Variants in SHLD1 observed in about 807,000 individuals in gnomAD.
The protein encoded by SHLD1 is shieldin complex subunit 1, also known as RINN1-REV7-interacting novel NHEJ regulator 3.
In SHLD1, 3 loss-of-function variants were observed where a neutral mutation model predicts 5.5. The ratio of observed to expected loss-of-function variants is 0.54; its 90% CI spans 0.25 to 1.40. The LOEUF is 1.40. SHLD1 is among the 40% of genes most tolerant of loss of function. SHLD1 has a pLI of 0.15. For missense variants in SHLD1, 210 were observed against 244.4 expected (o/e 0.86, Z 0.94); for synonymous variants, 92 against 94.3 (o/e 0.98, Z 0.14).
chr20:5,823,404 T>C (rs913640671), intron 2 of SHLD1, among the ~76,000 whole-genome samples: 5 of 152,034 alleles, frequency 3.3e-5, no homozygotes, highest in African/African-American at 1.2e-4. Context: ...CCCAAAGGCA[T>C]GAGTCATAGT....
At chr20:5,820,093 G>A (rs1166931804) in intron 2 of SHLD1, among the ~76,000 whole-genome samples, 3 of 152,160 alleles carry the variant, frequency 2.0e-5, no homozygotes, top group East Asian at 1.9e-4. Flanking sequence ...GATTACAGGC[G>A]TGTGCCACCA....
At chr20:5,804,359 A>G (rs1186383848) in intron 2 of SHLD1, among the ~76,000 whole-genome samples, 3 of 151,460 alleles carry the variant, frequency 2.0e-5, no homozygotes, top group African/African-American at 7.3e-5. Context: ...AACTATATAT[A>G]TATATACAGT....
intron 2 of SHLD1, among the ~76,000 whole-genome samples, chr20:5,817,385 C>T (rs891606316): frequency 5.8e-4 from 73 of 125,466 alleles, no homozygotes; most frequent in African/African-American, 2.0e-3. Flanking sequence ...TTTAAGCTCA[C>T]GGGATATTTT....
chr20:5,754,608 C>G (rs1983958079), intron 1 of SHLD1, among the ~76,000 whole-genome samples: 1 of 152,118 alleles, frequency 6.6e-6, no homozygotes, highest in Admixed American at 6.6e-5. Flanking sequence ...GTCCTGAGAA[C>G]TTGTGCCCAA....
intron 2 of SHLD1, among the ~76,000 whole-genome samples, chr20:5,858,778 T>A (rs2088122442): frequency 6.6e-6 from 1 of 152,184 alleles, no homozygotes; most frequent in Admixed American, 6.5e-5. Context: ...GAGGCTGCAG[T>A]GAGTTGAGAT....
At chr20:5,824,625 GT>G (rs34606054) in intron 2 of SHLD1, among the ~76,000 whole-genome samples, 18,920 of 125,368 alleles carry the variant, frequency 0.15, 1,291 homozygotes, top group African/African-American at 0.24. Flanking sequence ...GTTGTTGTTT[GT>G]TTTTTTTTTT....
chr20:5,800,034 G>A (rs999291737), intron 2 of SHLD1, among the ~76,000 whole-genome samples: 1 of 152,014 alleles, frequency 6.6e-6, no homozygotes, highest in Non-Finnish European at 1.5e-5. Context: ...TTGTCCTTCA[G>A]GGGGTATTTG....
chr20:5,830,186 G>A (rs77492970), intron 2 of SHLD1, among the ~76,000 whole-genome samples: 4,252 of 152,280 alleles, frequency 0.028, 89 homozygotes, highest in Middle Eastern at 0.058. Context: ...AATAGTCACA[G>A]CAACACTCAT....
chr20:5,782,626 G>A (rs2087002600), intron 2 of SHLD1, among the ~76,000 whole-genome samples: 1 of 152,166 alleles, frequency 6.6e-6, no homozygotes, highest in African/African-American at 2.4e-5. Flanking sequence ...GCAGTTATAA[G>A]TTTAAAGTAA....
At chr20:5,768,791 G>A (rs1984986502) in intron 1 of SHLD1, among the ~76,000 whole-genome samples, 1 of 152,012 alleles carries the variant, frequency 6.6e-6, no homozygotes, top group Non-Finnish European at 1.5e-5. Flanking sequence ...AATATATCAT[G>A]TGTGTGTATG....
chr20:5,834,567 G>A (rs1432800690), intron 2 of SHLD1, among the ~76,000 whole-genome samples: 1 of 152,110 alleles, frequency 6.6e-6, no homozygotes, highest in African/African-American at 2.4e-5. Context: ...GAAAACAGTA[G>A]TTAGTATTAA....
At chr20:5,862,900 C>G in intron 2 of SHLD1, 124 bp from the exon 3 acceptor site, 1 of 822,404 alleles carries the variant, frequency 1.2e-6, no homozygotes. Context: ...GCTGATATTT[C>G]CCATTGCCAG....
At chr20:5,802,149 C>T (rs963689577) in intron 2 of SHLD1, among the ~76,000 whole-genome samples, 1 of 152,210 alleles carries the variant, frequency 6.6e-6, no homozygotes, top group Non-Finnish European at 1.5e-5. Flanking sequence ...AGGAAGCTGC[C>T]AGGATCCAAA....
intron 2 of SHLD1, among the ~76,000 whole-genome samples, chr20:5,817,181 G>A (rs1303108174): frequency 6.6e-6 from 1 of 152,198 alleles, no homozygotes; most frequent in Non-Finnish European, 1.5e-5. Context: ...TGTTTCTGTT[G>A]ACTGATTTTT....
chr20:5,804,393 TA>T (rs35334478), intron 2 of SHLD1, among the ~76,000 whole-genome samples: 2 of 148,534 alleles, frequency 1.3e-5, no homozygotes. Context: ...TAGTATAGTG[TA>T]AAAAAAAACT....
rs148119460 is a variant in SHLD1, at chr20:5,814,654, CTTTTTTTTTTTTT to C, written c.178+41622_178+41634del. 5.2e-3 allele frequency among the ~76,000 whole-genome samples: 536 copies of C among 103,800 alleles called. 2 individuals carry two copies. The highest frequency in any genetic ancestry group is 0.02 in the African/African-American group (516 of 26,250). 68.1% of individuals were successfully genotyped at this position (103,800 alleles called of 152,430 possible). A position where few individuals can be genotyped will look rare whatever the true frequency, so the allele number is the denominator to read the frequency against. The stretch of plus-strand genomic sequence containing the variant: ...AAAATTACTTTTTCTTTTTCTTCTT[CTTTTTTTTTTTTT>C]TTTTTTTTTTGAGATAGGGTCTCAC... On this transcript the variant is annotated intron_variant, in intron 2 of 2. Coordinates refer to ENST00000303142, the MANE Select transcript of SHLD1 (RefSeq NM_152504.4).
At chr20:5,780,155 T>G (rs1985625714) in intron 2 of SHLD1, among the ~76,000 whole-genome samples, 1 of 151,848 alleles carries the variant, frequency 6.6e-6, no homozygotes, top group Non-Finnish European at 1.5e-5. Context: ...ATTTTTGTAT[T>G]TTTAGTGGAG....
intron 2 of SHLD1, among the ~76,000 whole-genome samples, chr20:5,826,891 C>T (rs1476546360): frequency 4.6e-5 from 7 of 151,344 alleles, no homozygotes; most frequent in Admixed American, 3.3e-4. Flanking sequence ...AGTCTGTCAT[C>T]GCCCCTCCCT....
At position 5,760,679 on chromosome 20, in the gene SHLD1, C is replaced by T. The variant is rs144286432; in HGVS notation, c.-5+10200C>T. 3.3e-5 allele frequency among the ~76,000 whole-genome samples: 5 copies of T among 150,806 alleles called. No homozygotes were observed. The South Asian group carries it at 6.3e-4, about 19-fold the overall frequency. On this transcript the variant is annotated intron_variant, in intron 1 of 2. Coordinates refer to ENST00000303142, the MANE Select transcript of SHLD1 (RefSeq NM_152504.4). ...CTGCACTCCAGCCTGGGCGACAGAG[C>T]GAGACTCTGTCTAAAAAATAAAAAA...
Sources: gnomAD v4.1 joint callset for allele counts (sites outside exome capture counted in the v4.1 genomes callset) on GRCh38, gnomAD v4.1.1 for gene constraint, MANE v1.5 for transcripts, NCBI Gene and HGNC (gene_info 2026-07-23, HGNC 2026-07-21) for gene names.